ARHGAP17: variants seen among roughly 807,000 people sequenced by gnomAD.
ARHGAP17 encodes Rho GTPase activating protein 17.
A neutral mutation model predicts 99.5 loss-of-function variants in ARHGAP17; 57 were observed. The ratio of observed to expected loss-of-function variants is 0.57; its 90% CI spans 0.46 to 0.71. ARHGAP17 has a LOEUF of 0.71. Among genes scored for constraint, ARHGAP17 ranks in the 30% least tolerant of loss-of-function variants. The pLI is 0.00. For missense variants in ARHGAP17, 1,000 were observed against 1,122.4 expected, an observed-to-expected ratio of 0.89 and a Z score of 1.56; for synonymous variants, 417 against 429.6, an observed-to-expected ratio of 0.97 and a Z score of 0.36.
At chr16:24,968,583 C>T (rs978662575) in intron 5 of ARHGAP17, 78 bp downstream of exon 5, 4 of 1,536,170 alleles carry the variant, frequency 2.6e-6, no homozygotes, top group Non-Finnish European at 3.6e-6. Flanking sequence ...AAGCCAGCAA[C>T]TACTGTTAAA....
At position 24,952,301 on chromosome 16, in the gene ARHGAP17, G is replaced by A. The variant is rs1300508152; in HGVS notation, c.1034C>T (p.Thr345Ile). ...LMTFNLYEEW[T>I]QVASVQDQDK... Reference sequence around the variant, plus strand: ...TCTTTAAACTTACCTTGCAACTTGTGTCCATTCTTCATACAGATTAAAAGT... The same window carrying A: ...TCTTTAAACTTACCTTGCAACTTGTATCCATTCTTCATACAGATTAAAAGT... Residue 345 changes from threonine to isoleucine, a missense_variant, in exon 12 of 20, where the codon ACA (threonine) becomes ATA (isoleucine). Transcript: ENST00000289968. 2.8e-5 allele frequency: 45 copies of A among 1,611,374 alleles called. No individual in the cohort carries two copies. The highest frequency in any genetic ancestry group is 3.7e-5 in the Non-Finnish European group (44 of 1,178,936).
At chr16:24,966,409 A>G (rs1976640) in intron 6 of ARHGAP17, among the ~76,000 whole-genome samples, 75,682 of 151,874 alleles carry the variant, frequency 0.5, 20,424 homozygotes, top group African/African-American at 0.72. Context: ...AAGGCAGGGA[A>G]ATCACCTGAG....
chr16:24,930,042 T>TA (rs1426822237), intron 19 of ARHGAP17, among the ~76,000 whole-genome samples: 1 of 152,170 alleles, frequency 6.6e-6, no homozygotes, highest in East Asian at 1.9e-4. Context: ...AATAATAAAT[T>TA]AGAGCATTTG....
intron 1 of ARHGAP17, among the ~76,000 whole-genome samples, chr16:24,979,981 G>T (rs2052626439): frequency 6.6e-6 from 1 of 152,198 alleles, no homozygotes; most frequent in Admixed American, 6.5e-5. Flanking sequence ...AAAGTGCTGG[G>T]ATTACATGCG....
intron 19 of ARHGAP17, chr16:24,920,892 C>A (rs2050704093): frequency 6.6e-6 from 1 of 152,410 alleles, no homozygotes; most frequent in African/African-American, 2.4e-5. Flanking sequence ...ACAATCACTG[C>A]TGACTGACAT....
chr16:24,982,082 T>C (rs1044352734), intron 1 of ARHGAP17, among the ~76,000 whole-genome samples: 2 of 142,334 alleles, frequency 1.4e-5, no homozygotes, highest in African/African-American at 5.2e-5. Flanking sequence ...CAATTTTAGA[T>C]TTGCAGGCTT....
chr16:24,996,468 G>A (rs991385788), intron 1 of ARHGAP17, among the ~76,000 whole-genome samples: 23 of 152,266 alleles, frequency 1.5e-4, no homozygotes, highest in Middle Eastern at 3.4e-3. Context: ...GTTATCATCA[G>A]AAGCACTCTT....
chr16:24,935,564 G>C lies in ARHGAP17; in HGVS notation c.1800C>G (p.Gly600=), dbSNP rs2152452991. 6.2e-7 allele frequency: 1 copy of C among 1,614,108 alleles called. No individual in the cohort carries two copies. The highest frequency in any genetic ancestry group is 1.1e-5 in the South Asian group (1 of 91,064). Residue 600 remains glycine, a synonymous_variant, in exon 18 of 20, where the codon GGC becomes GGG. Coordinates refer to ENST00000289968, the MANE Select transcript of ARHGAP17 (RefSeq NM_001006634.3). ...CAGCAGCTGCCTGGGGCTGATTTTGGCCAGATGCTATCTGACTGTTGTTTC... is the reference window on the plus strand; with the variant it reads ...CAGCAGCTGCCTGGGGCTGATTTTGCCCAGATGCTATCTGACTGTTGTTTC... ...PGRNNSQIAS[G]QNQPQAAAGS... is the part of the protein sequence containing the mutation.
chr16:24,950,008 G>A (rs564258100), intron 12 of ARHGAP17, among the ~76,000 whole-genome samples: 5 of 152,238 alleles, frequency 3.3e-5, no homozygotes, highest in East Asian at 1.9e-4. Context: ...CAGGCGCAAC[G>A]TACAAACTTG....
intron 19 of ARHGAP17, among the ~76,000 whole-genome samples, chr16:24,929,876 A>G (rs561618117): frequency 7.9e-5 from 12 of 152,320 alleles, no homozygotes; most frequent in African/African-American, 2.6e-4. Flanking sequence ...AAGTCACTCA[A>G]TATGGTTGGA....
At chr16:24,949,375 CAG>C (rs1179699364) in intron 13 of ARHGAP17, 27 bp downstream of exon 13, 10 of 1,582,766 alleles carry the variant, frequency 6.3e-6, no homozygotes, top group Non-Finnish European at 8.7e-6. Flanking sequence ...ATCTTCACTC[CAG>C]AGTCATTGTA....
chr16:24,948,303 G>A (rs1374136181), intron 13 of ARHGAP17, among the ~76,000 whole-genome samples: 1 of 152,186 alleles, frequency 6.6e-6, no homozygotes, highest in Non-Finnish European at 1.5e-5. Context: ...ACACAGGCAA[G>A]TATGTACACA....
intron 7 of ARHGAP17, among the ~76,000 whole-genome samples, chr16:24,961,797 G>C (rs1425310744): frequency 6.6e-6 from 1 of 150,868 alleles, no homozygotes; most frequent in Non-Finnish European, 1.5e-5. Flanking sequence ...GCCTCACAAA[G>C]TGCTAGGATT....
intron 1 of ARHGAP17, among the ~76,000 whole-genome samples, chr16:25,010,318 C>T (rs1013236176): frequency 6.6e-6 from 1 of 152,262 alleles, no homozygotes; most frequent in Admixed American, 6.5e-5. Flanking sequence ...AAGTGATCCT[C>T]CTACCTCGGG....
chr16:24,970,481 G>T (rs2052329030), intron 4 of ARHGAP17, 26 bp downstream of exon 4: 1 of 1,608,918 alleles, frequency 6.2e-7, no homozygotes, highest in African/African-American at 1.3e-5. Context: ...CATGGCACTT[G>T]GCACTCTGAA....
intron 1 of ARHGAP17, among the ~76,000 whole-genome samples, chr16:24,998,486 G>T (rs2053265243): frequency 6.6e-6 from 1 of 152,146 alleles, no homozygotes; most frequent in South Asian, 2.1e-4. Flanking sequence ...CTGGGGAAAG[G>T]TGGCCATGTC....
intron 14 of ARHGAP17, 94 bp downstream of exon 14, chr16:24,947,387 AT>A: frequency 9.0e-7 from 1 of 1,113,492 alleles, no homozygotes; most frequent in Non-Finnish European, 1.3e-6. Flanking sequence ...CCTTGAATTG[AT>A]CTTAAACTAG....
At chr16:24,972,506 A>G (rs772292550) in intron 3 of ARHGAP17, 12 of 152,190 alleles carry the variant, frequency 7.9e-5, no homozygotes, top group Non-Finnish European at 1.5e-4. Flanking sequence ...TAAATAAATA[A>G]TGGGCTCCAT....
At chr16:25,002,675 C>T (rs1224557362) in intron 1 of ARHGAP17, among the ~76,000 whole-genome samples, 1 of 152,158 alleles carries the variant, frequency 6.6e-6, no homozygotes, top group Non-Finnish European at 1.5e-5. Context: ...TTTAGTCCTG[C>T]TATGTTGGGG....
Sources: gnomAD v4.1 joint callset for allele counts (sites outside exome capture counted in the v4.1 genomes callset) on GRCh38, gnomAD v4.1.1 for gene constraint, MANE v1.5 for transcripts, NCBI Gene and HGNC (gene_info 2026-07-23, HGNC 2026-07-21) for gene names.